TBC1D22A: variants seen among roughly 807,000 people sequenced by gnomAD.
TBC1D22A encodes the protein putative GTPase activator.
A neutral mutation model predicts 60.2 loss-of-function variants in TBC1D22A; 38 were observed. The observed-to-expected ratio is 0.63, with a 90% CI of 0.49 to 0.83. The LOEUF (loss-of-function observed/expected upper bound fraction) is 0.83. TBC1D22A is among the 40% of genes least tolerant of loss of function. The pLI is 0.00. For synonymous variants in TBC1D22A, 302 were observed against 281.7 expected (o/e 1.07, Z -0.72); for missense variants, 628 against 701.0 (o/e 0.90, Z 1.18).
At chr22:46,778,206 C>T (rs1213013342) in intron 1 of TBC1D22A, among the ~76,000 whole-genome samples, 6 of 152,022 alleles carry the variant, frequency 3.9e-5, no homozygotes, top group Non-Finnish European at 7.4e-5. Context: ...CACTGTGCAT[C>T]GTGTAGATGT....
At chr22:46,844,111 G>T (rs2086890065) in intron 4 of TBC1D22A, among the ~76,000 whole-genome samples, 1 of 150,636 alleles carries the variant, frequency 6.6e-6, no homozygotes, top group Non-Finnish European at 1.5e-5. Flanking sequence ...GTGTAAACAT[G>T]TGGGTAAGGC....
At chr22:47,096,578 T>C (rs545337695) in intron 11 of TBC1D22A, among the ~76,000 whole-genome samples, 3 of 152,298 alleles carry the variant, frequency 2.0e-5, no homozygotes, top group African/African-American at 7.2e-5. Flanking sequence ...TCCCAGCACT[T>C]TGGGGGGCCG....
chr22:46,933,224 T>G (rs1301740413), intron 8 of TBC1D22A, among the ~76,000 whole-genome samples: 2 of 152,214 alleles, frequency 1.3e-5, no homozygotes, highest in Admixed American at 6.5e-5. Flanking sequence ...TCAGGACCAC[T>G]TTCTCCAAAT....
At position 46,793,487 on chromosome 22, in the gene TBC1D22A, C is replaced by G. The variant is rs753450742; in HGVS notation, c.120-14C>G. ...TTCGAGCATGTACGAGTAAAGACTG[C>G]CTTTGCATTGCAGTTTGCTCAGGTC... On this transcript the variant is annotated splice_polypyrimidine_tract_variant and intron_variant, in intron 2 of 12. Coordinates refer to ENST00000337137, the MANE Select transcript of TBC1D22A (RefSeq NM_014346.5). 1 of 1,613,814 alleles carries G rather than the reference C, an allele frequency of 6.2e-7. No homozygotes were observed. The highest frequency in any genetic ancestry group is 1.1e-5 in the South Asian group (1 of 91,068).
chr22:46,778,735 TA>T (rs1438460855), intron 1 of TBC1D22A, among the ~76,000 whole-genome samples: 1 of 150,530 alleles, frequency 6.6e-6, no homozygotes, highest in Non-Finnish European at 1.5e-5. Flanking sequence ...AACATAACTC[TA>T]AAATAATGAT....
rs910986717 is a variant in TBC1D22A at position 46,891,207 on chromosome 22, A to G, written c.709-59A>G. Reference sequence around the variant, plus strand: ...CAAGTCTTTTTATTTCACGCTTAATAATAGGGACTCCATGAATTAGCTATA... The same window carrying G: ...CAAGTCTTTTTATTTCACGCTTAATGATAGGGACTCCATGAATTAGCTATA... On this transcript the variant is annotated intron_variant, in intron 5 of 12. Transcript: ENST00000337137. 7.2e-6 allele frequency: 11 copies of G among 1,527,026 alleles called. No individual in the cohort carries two copies. The African/African-American group carries it at 1.1e-4, about 16-fold the overall frequency. 94.6% of individuals were successfully genotyped at this position (1,527,026 alleles called of 1,614,324 possible). A position where few individuals can be genotyped will look rare whatever the true frequency, so the allele number is the denominator to read the frequency against.
chr22:47,059,281 G>A (rs558333098), intron 11 of TBC1D22A, among the ~76,000 whole-genome samples: 8 of 152,352 alleles, frequency 5.3e-5, no homozygotes, highest in African/African-American at 1.9e-4. Flanking sequence ...GGGTGCGCAC[G>A]CGTCTGGTGT....
chr22:47,136,066 C>CT (rs2066859782), intron 12 of TBC1D22A, among the ~76,000 whole-genome samples: 1 of 152,204 alleles, frequency 6.6e-6, no homozygotes, highest in Non-Finnish European at 1.5e-5. Context: ...GAATGAGTGG[C>CT]TGAGGTTCCT....
At chr22:46,819,815 C>T (rs1306758695) in intron 4 of TBC1D22A, among the ~76,000 whole-genome samples, 2 of 152,164 alleles carry the variant, frequency 1.3e-5, no homozygotes, top group African/African-American at 2.4e-5. Context: ...AGGAATGGTA[C>T]CAGCTCCTCT....
Position 46,968,035 on chromosome 22 carries a change from T to A in TBC1D22A, c.1016-6255T>A, listed in dbSNP as rs552047149. Among the ~76,000 whole-genome samples the A allele has an allele frequency of 2.6e-5, 4 of 152,298 alleles. No individual in the cohort carries two copies. The East Asian group carries it at 7.7e-4, about 29-fold the overall frequency. ...GTGGGGTGGGGGGCCGTGAGGGAAATGAGCCCCTTAGGAGACCCAGAGCTT... is the reference window on the plus strand; with the variant it reads ...GTGGGGTGGGGGGCCGTGAGGGAAAAGAGCCCCTTAGGAGACCCAGAGCTT... On this transcript the variant is annotated intron_variant, in intron 8 of 12. Transcript: ENST00000337137.
At chr22:47,116,069 C>A (rs2147740609) in intron 12 of TBC1D22A, 1 of 152,434 alleles carries the variant, frequency 6.6e-6, no homozygotes, top group African/African-American at 2.4e-5. Flanking sequence ...GCCGCCCTCT[C>A]CCCGCCGGCC....
chr22:46,915,267 A>C, intron 8 of TBC1D22A: 1 of 391,250 alleles, frequency 2.6e-6, no homozygotes, highest in East Asian at 7.2e-5. Context: ...CAGCACCGGC[A>C]GAGGCACGGG....
At chr22:46,928,818 A>C (rs951016261) in intron 8 of TBC1D22A, among the ~76,000 whole-genome samples, 1 of 152,256 alleles carries the variant, frequency 6.6e-6, no homozygotes, top group Non-Finnish European at 1.5e-5. Context: ...CCACATCATT[A>C]ATCATTAGGG....
At chr22:46,882,239 T>G (rs979515934) in intron 5 of TBC1D22A, among the ~76,000 whole-genome samples, 4 of 152,094 alleles carry the variant, frequency 2.6e-5, no homozygotes, top group Non-Finnish European at 4.4e-5. Context: ...CTGTGAACCA[T>G]GCAGTCCACA....
At chr22:47,070,494 C>G (rs1353844240) in intron 11 of TBC1D22A, among the ~76,000 whole-genome samples, 18 of 149,434 alleles carry the variant, frequency 1.2e-4, no homozygotes, top group Non-Finnish European at 2.4e-4. Flanking sequence ...CCAGGCTGTT[C>G]CCTGTTGTTT....
In TBC1D22A at chr22:47,127,070, G is replaced by A. The variant is rs565047582; in HGVS notation, c.1425+15467G>A. Among the ~76,000 whole-genome samples the A allele has an allele frequency of 1.6e-4, 25 of 152,194 alleles. No homozygotes were observed. In the South Asian group the frequency reaches 3.3e-3, roughly 20 times the overall value. On this transcript the variant is annotated intron_variant, in intron 12 of 12. Transcript: ENST00000337137. ...CACCCTCGGGGTCTCAGGAAACCAG[G>A]CAGGGGAAAAATTAATTCTGGTCTT... is the stretch of plus-strand genomic sequence containing the variant.
chr22:47,011,423 T>A (rs1341544398), intron 10 of TBC1D22A, among the ~76,000 whole-genome samples: 1 of 152,216 alleles, frequency 6.6e-6, no homozygotes, highest in South Asian at 2.1e-4. Flanking sequence ...GAAGGTCGAA[T>A]GTGCCCTTTT....
intron 10 of TBC1D22A, among the ~76,000 whole-genome samples, chr22:47,034,051 G>T (rs1343308328): frequency 1.3e-5 from 2 of 152,212 alleles, no homozygotes; most frequent in Admixed American, 1.3e-4. Context: ...GCACCGTTTT[G>T]TTCTCTCCAC....
Position 46,909,229 on chromosome 22 carries a change from C to T in TBC1D22A, c.901-2845C>T, listed in dbSNP as rs572626686. The stretch of plus-strand genomic sequence containing the variant: ...TGTGCGTGCATGTGTGAGACAGGCC[C>T]TCTGAAAGTGAGGGGCCTTGTTAAA... On this transcript the variant is annotated intron_variant, in intron 7 of 12. Transcript: ENST00000337137. Among the ~76,000 whole-genome samples the T allele has an allele frequency of 3.9e-5, 6 of 152,004 alleles. No homozygotes were observed. In the East Asian group the frequency reaches 5.8e-4, roughly 15 times the overall value.
Sources: gnomAD v4.1 joint callset for allele counts (sites outside exome capture counted in the v4.1 genomes callset) on GRCh38, gnomAD v4.1.1 for gene constraint, MANE v1.5 for transcripts, NCBI Gene and HGNC (gene_info 2026-07-23, HGNC 2026-07-21) for gene names.